Variants in BMP2 observed in about 807,000 individuals in gnomAD.
BMP2 encodes the protein bone morphogenetic protein 2.
BMP2 carries 2 observed loss-of-function variants against 28.8 expected under a neutral mutation model. That is an observed-to-expected ratio of 0.07 (90% CI 0.03 to 0.22). The LOEUF is 0.22. BMP2 is among the 10% of genes least tolerant of loss of function. The pLI is 1.00. For synonymous variants in BMP2, 218 were observed against 204.3 expected (o/e 1.07, Z -0.57); for missense variants, 437 against 517.7 (o/e 0.84, Z 1.51).
At chr20:6,774,915 A>C (rs1986469127) in intron 2 of BMP2, among the ~76,000 whole-genome samples, 2 of 152,228 alleles carry the variant, frequency 1.3e-5, no homozygotes, top group South Asian at 4.1e-4. Context: ...GATATAGTAT[A>C]GATTATTAAA....
At position 6,768,040 on chromosome 20, in the gene BMP2, T is replaced by A; in HGVS notation, c.-843T>A. The A allele has an allele frequency of 5.0e-6, 2 of 398,054 alleles. No homozygotes were observed. Among genetic ancestry groups the A allele is most frequent in the Non-Finnish European group, 8.9e-6 (2 of 225,832 alleles). 24.7% of individuals were successfully genotyped at this position (398,054 alleles called of 1,614,324 possible). On this transcript the variant is annotated 5_prime_UTR_variant, in exon 1 of 3. Coordinates refer to ENST00000378827, the MANE Select transcript of BMP2 (RefSeq NM_001200.4). ...TAGCGCCGCGATGCGGAGCACCTAC[T>A]GCAGGAGATCGGGGGCCTGGGACGC...
In BMP2 at chr20:6,768,002, C is replaced by A; in HGVS notation, c.-881C>A. ...CGGGCGCGCAGAGCGCCGGGGACTC[C>A]GGAGCCGATCCCTAGCGCCGCGATG... On this transcript the variant is annotated 5_prime_UTR_variant, in exon 1 of 3. Transcript: ENST00000378827. The A allele has an allele frequency of 2.5e-6, 1 of 397,454 alleles. No individual in the cohort carries two copies. The highest frequency in any genetic ancestry group is 3.6e-5 in the East Asian group (1 of 27,964). The allele number at this position is 397,454 out of a possible 1,614,324, so 24.6% of individuals were successfully genotyped here. A position where few individuals can be genotyped will look rare whatever the true frequency, so the allele number is the denominator to read the frequency against.
chr20:6,771,447 GT>G (rs1259644924), intron 2 of BMP2, among the ~76,000 whole-genome samples: 2 of 152,212 alleles, frequency 1.3e-5, no homozygotes, highest in Non-Finnish European at 2.9e-5. Flanking sequence ...GTACAAAAGT[GT>G]ATATCACAGA....
intron 1 of BMP2, among the ~76,000 whole-genome samples, chr20:6,769,347 G>A (rs908722656): frequency 6.6e-6 from 1 of 151,880 alleles, no homozygotes; most frequent in East Asian, 2.0e-4. Context: ...TAGGAGTTTG[G>A]GGTTCTCCCT....
rs1336394910 is a variant in BMP2 at position 6,768,886 on chromosome 20, C to CGGGCCA, written c.-8+17_-8+22dup. 5 of 170,352 alleles carry CGGGCCA rather than the reference C, an allele frequency of 2.9e-5. No individual in the cohort carries two copies. Among genetic ancestry groups the CGGGCCA allele is most frequent in the Non-Finnish European group, 3.6e-5 (3 of 82,794 alleles). The allele number at this position is 170,352 out of a possible 1,614,324, so 10.6% of individuals were successfully genotyped here. A position where few individuals can be genotyped will look rare whatever the true frequency, so the allele number is the denominator to read the frequency against. On this transcript the variant is annotated intron_variant, in intron 1 of 2. Transcript: ENST00000378827. ...TGCGGTCTCCTAAAGGTAGAGGACG[C>CGGGCCA]GGGCCAGGGCCCGGGGTGGGTGGTG...
At chr20:6,770,583 G>A in intron 2 of BMP2, 111 bp downstream of exon 2, 1 of 1,045,902 alleles carries the variant, frequency 9.6e-7, no homozygotes, top group East Asian at 2.6e-5. Context: ...ACCAGCGGAC[G>A]TTTCCACTCT....
chr20:6,777,201 G>A (rs1986517654), intron 2 of BMP2, among the ~76,000 whole-genome samples: 2 of 152,054 alleles, frequency 1.3e-5, no homozygotes, highest in African/African-American at 4.8e-5. Flanking sequence ...TTGAAATTCA[G>A]AAATTTTAAA....
rs557811126 is a variant in BMP2, at chr20:6,768,409, C to G, written c.-474C>G. 2.5e-6 allele frequency: 1 copy of G among 393,930 alleles called. No individual in the cohort carries two copies. 24.4% of individuals were successfully genotyped at this position (393,930 alleles called of 1,614,324 possible). ...CGCGGAGCGCCCGACCCTCGACCCCCGAGTCCCGGAGCCGGCCCCGCGCGG... is the reference window on the plus strand; with the variant it reads ...CGCGGAGCGCCCGACCCTCGACCCCGGAGTCCCGGAGCCGGCCCCGCGCGG... On this transcript the variant is annotated 5_prime_UTR_variant, in exon 1 of 3. Coordinates refer to ENST00000378827, the MANE Select transcript of BMP2 (RefSeq NM_001200.4).
chr20:6,772,644 GA>G (rs1986422567), intron 2 of BMP2, among the ~76,000 whole-genome samples: 1 of 152,172 alleles, frequency 6.6e-6, no homozygotes, highest in South Asian at 2.1e-4. Flanking sequence ...AGACCATAAA[GA>G]CCCAATCATA....
chr20:6,770,758 G>C (rs1012815210), intron 2 of BMP2, among the ~76,000 whole-genome samples: 1 of 152,188 alleles, frequency 6.6e-6, no homozygotes, highest in Non-Finnish European at 1.5e-5. Flanking sequence ...GGGAAGATGA[G>C]GGCAAAAGGC....
At chr20:6,769,612 G>GGGGTGTGTGTGTGT (rs367780897) in intron 1 of BMP2, among the ~76,000 whole-genome samples, 4 of 139,996 alleles carry the variant, frequency 2.9e-5, no homozygotes, top group East Asian at 4.3e-4. Flanking sequence ...AAGCTATAAG[G>GGGGTGTGTGTGTGT]GTGTGTGTGT....
Position 6,778,948 on chromosome 20 carries a change from C to T in BMP2, c.1050C>T (p.Asn350=), listed in dbSNP as rs1986564056. The T allele has an allele frequency of 6.2e-7, 1 of 1,613,946 alleles. No homozygotes were observed. The highest frequency in any genetic ancestry group is 1.1e-5 in the South Asian group (1 of 91,068). Residue 350 remains asparagine, a synonymous_variant, in exon 3 of 3, where the codon AAC becomes AAT. Transcript: ENST00000378827. This position sits in a 1 kb window ranked among gnomAD's most constrained non-coding sequence, Gnocchi z 5.0. ...ATGCCATTGTTCAGACGTTGGTCAA[C>T]TCTGTTAACTCTAAGATTCCTAAGG... ...TNHAIVQTLV[N]SVNSKIPKAC... is the part of the protein sequence containing the mutation.
chr20:6,768,155 C>T lies in BMP2; in HGVS notation c.-728C>T. ...AGCGAGGGGAGAGCACAGCCACCCG[C>T]CTCGGCGGCCCGGGACTCGGCTCGA... On this transcript the variant is annotated 5_prime_UTR_variant, in exon 1 of 3. Transcript: ENST00000378827. 2.5e-6 allele frequency: 1 copy of T among 398,278 alleles called. No individual in the cohort carries two copies. Among genetic ancestry groups the T allele is most frequent in the Non-Finnish European group, 4.4e-6 (1 of 225,810 alleles). The allele number at this position is 398,278 out of a possible 1,614,324, so 24.7% of individuals were successfully genotyped here. A position where few individuals can be genotyped will look rare whatever the true frequency, so the allele number is the denominator to read the frequency against.
rs1986375480 is a variant in BMP2, at chr20:6,770,464, A to G, written c.338A>G (p.His113Arg). ...ASRANTVRSFHHEESLEELPE... is the reference protein window; with the variant it reads ...ASRANTVRSFRHEESLEELPE... Reference sequence around the variant, plus strand: ...CGAGCCAACACTGTGCGCAGCTTCCACCATGAAGGTGAGGCATGGAGCAGG... The same window carrying G: ...CGAGCCAACACTGTGCGCAGCTTCCGCCATGAAGGTGAGGCATGGAGCAGG... The change falls in exon 2 of 3, where the codon CAC (histidine) becomes CGC (arginine). Residue 113 changes from histidine to arginine, a missense_variant. His to Arg is a conservative substitution (Grantham distance 29). This residue lies in a region of BMP2 where 363 missense variants were observed against 392.8 expected (regional missense o/e 0.92). Transcript: ENST00000378827. 2.5e-6 allele frequency: 4 copies of G among 1,590,534 alleles called. No individual in the cohort carries two copies. The highest frequency in any genetic ancestry group is 3.4e-6 in the Non-Finnish European group (4 of 1,164,320).
At chr20:6,773,567 A>G (rs1449316796) in intron 2 of BMP2, among the ~76,000 whole-genome samples, 2 of 152,106 alleles carry the variant, frequency 1.3e-5, no homozygotes, top group Non-Finnish European at 2.9e-5. Context: ...GTGTATTTTC[A>G]CTGAGACAAT....
chr20:6,768,783 C>G lies in BMP2; in HGVS notation c.-100C>G. The stretch of plus-strand genomic sequence containing the variant: ...AAAAGGAACGGACATTCGGTCCTTG[C>G]GCCAGGTCCTTTGACCAGAGTTTTT... On this transcript the variant is annotated 5_prime_UTR_variant, in exon 1 of 3. Transcript: ENST00000378827. 2.5e-6 allele frequency: 1 copy of G among 398,454 alleles called. No individual in the cohort carries two copies. The highest frequency in any genetic ancestry group is 4.4e-6 in the Non-Finnish European group (1 of 225,986). The allele number at this position is 398,454 out of a possible 1,614,324, so 24.7% of individuals were successfully genotyped here. A position where few individuals can be genotyped will look rare whatever the true frequency, so the allele number is the denominator to read the frequency against.
At chr20:6,773,062 G>A (rs902869313) in intron 2 of BMP2, among the ~76,000 whole-genome samples, 1 of 152,164 alleles carries the variant, frequency 6.6e-6, no homozygotes, top group Non-Finnish European at 1.5e-5. Context: ...TGTCAGATGG[G>A]AGAGAGAAAG....
In BMP2 at chr20:6,779,046, A is replaced by G. The variant is rs757635021; in HGVS notation, c.1148A>G (p.Lys383Arg). The change falls in exon 3 of 3, where the codon AAG becomes AGG. Residue 383 changes from lysine (K) to arginine (R), a missense_variant. Transcript: ENST00000378827. ...GACGAGAATGAAAAGGTTGTATTAA[A>G]GAACTATCAGGACATGGTTGTGGAG... ...YLDENEKVVL[K>R]NYQDMVVEGC... 1 of 1,613,082 alleles carries G rather than the reference A, an allele frequency of 6.2e-7. No individual in the cohort carries two copies. The highest frequency in any genetic ancestry group is 1.1e-5 in the South Asian group (1 of 91,060).
Position 6,778,108 on chromosome 20 carries a change from G to A in BMP2, c.347-137G>A. On this transcript the variant is annotated intron_variant, in intron 2 of 2. Transcript: ENST00000378827. This position sits in a 1 kb window ranked among gnomAD's most constrained non-coding sequence, Gnocchi z 5.0. ...TTAAAGAGGAAATTTTTATTTTCTG[G>A]TTACCTACTTTTACATGGGTTACAT... The A allele has an allele frequency of 7.8e-7, 1 of 1,285,376 alleles. No individual in the cohort carries two copies. The highest frequency in any genetic ancestry group is 2.7e-5 in the Admixed American group (1 of 37,396). The allele number at this position is 1,285,376 out of a possible 1,614,324, so 79.6% of individuals were successfully genotyped here. A position where few individuals can be genotyped will look rare whatever the true frequency, so the allele number is the denominator to read the frequency against.
Sources: gnomAD v4.1 joint callset for allele counts (sites outside exome capture counted in the v4.1 genomes callset) on GRCh38, gnomAD v4.1.1 for gene constraint, gnomAD v4.1.1 regional missense constraint, Gnocchi (gnomAD v3.1) non-coding constraint, MANE v1.5 for transcripts, NCBI Gene and HGNC (gene_info 2026-07-23, HGNC 2026-07-21) for gene names.